The following SLIT3 variants were observed in gnomAD, a reference collection of about 807,000 sequenced individuals.
The protein encoded by SLIT3 is slit homolog 3 protein.
SLIT3 carries 68 observed loss-of-function variants against 184.0 expected under a neutral mutation model. That is an observed-to-expected ratio of 0.37 (90% CI 0.30 to 0.45). The LOEUF (loss-of-function observed/expected upper bound fraction) is 0.45, where lower values mean the gene tolerates loss of function less well. Among genes scored for constraint, SLIT3 ranks in the 20% least tolerant of loss-of-function variants. SLIT3 has a pLI of 1.00. For synonymous variants in SLIT3, 831 were observed against 828.6 expected, an observed-to-expected ratio of 1.00 and a Z score of -0.05; for missense variants, 1,707 against 2,026.0, an observed-to-expected ratio of 0.84 and a Z score of 3.02.
intron 4 of SLIT3, among the ~76,000 whole-genome samples, chr5:169,137,040 C>A (rs1581446402): frequency 6.6e-6 from 1 of 152,138 alleles, no homozygotes; most frequent in East Asian, 1.9e-4. Context: ...TGTCTCTTAC[C>A]CAGAAAGCTT....
At chr5:169,087,526 C>T (rs1018454502) in intron 4 of SLIT3, among the ~76,000 whole-genome samples, 3 of 152,162 alleles carry the variant, frequency 2.0e-5, no homozygotes, top group African/African-American at 7.2e-5. Context: ...TTTCAGTGTA[C>T]AATTAGGAAC....
Position 169,226,128 on chromosome 5 carries a change from C to T in SLIT3, c.341+18577G>A, listed in dbSNP as rs78708829. ...AGTCTCTGCCAGCCCCTGGGTGTAA[C>T]GATACAGATGTGGAATCCCCATCCT... On this transcript the variant is annotated intron_variant, in intron 3 of 35. Coordinates refer to ENST00000519560, the MANE Select transcript of SLIT3 (RefSeq NM_003062.4). 4.5e-4 allele frequency among the ~76,000 whole-genome samples: 68 copies of T among 152,218 alleles called. 1 individual carries two copies. In the East Asian group the frequency reaches 0.01, roughly 23 times the overall value.
At chr5:169,039,171 A>T (rs936532971) in intron 4 of SLIT3, among the ~76,000 whole-genome samples, 10 of 152,158 alleles carry the variant, frequency 6.6e-5, no homozygotes, top group Non-Finnish European at 1.2e-4. Flanking sequence ...ACACTGGGAA[A>T]GGCAGCACAC....
intron 4 of SLIT3, among the ~76,000 whole-genome samples, chr5:169,039,329 T>C (rs1757368412): frequency 6.6e-6 from 1 of 150,952 alleles, no homozygotes; most frequent in Non-Finnish European, 1.5e-5. Flanking sequence ...TTTTTTTTTT[T>C]TTTTTGAGAT....
chr5:168,751,790 T>A (rs1754724823), intron 18 of SLIT3, among the ~76,000 whole-genome samples: 1 of 149,768 alleles, frequency 6.7e-6, no homozygotes. Flanking sequence ...TGGAGTGGAG[T>A]GCAGTGGCAC....
intron 26 of SLIT3, among the ~76,000 whole-genome samples, chr5:168,704,219 T>C (rs1582549221): frequency 7.2e-6 from 1 of 138,728 alleles, no homozygotes; most frequent in African/African-American, 3.5e-5. Flanking sequence ...TTCTGAGACA[T>C]TGAACATATG....
chr5:168,828,658 C>CAAAAA lies in SLIT3; in HGVS notation c.558-5332_558-5328dup, dbSNP rs56974958. On this transcript the variant is annotated intron_variant, in intron 6 of 35. Transcript: ENST00000519560. ...TGGGTGACAGAGTGAGATCCTGACT[C>CAAAAA]AAAAAAAAAAAAGAAAAAAGAAAAA... Among the ~76,000 whole-genome samples, 105 of 97,112 alleles carry CAAAAA rather than the reference C, an allele frequency of 1.1e-3. 3 individuals carry two copies. The highest frequency in any genetic ancestry group is 2.9e-3 in the African/African-American group (72 of 25,074). 63.7% of individuals were successfully genotyped at this position (97,112 alleles called of 152,430 possible). A position where few individuals can be genotyped will look rare whatever the true frequency, so the allele number is the denominator to read the frequency against.
intron 4 of SLIT3, among the ~76,000 whole-genome samples, chr5:169,124,197 G>A (rs1005809016): frequency 3.3e-5 from 5 of 152,128 alleles, no homozygotes; most frequent in Non-Finnish European, 7.3e-5. Context: ...AGTTCTTTAG[G>A]AATAGACTGA....
At chr5:169,116,287 C>T (rs1760660285) in intron 4 of SLIT3, among the ~76,000 whole-genome samples, 2 of 152,080 alleles carry the variant, frequency 1.3e-5, no homozygotes, top group African/African-American at 4.8e-5. Context: ...TGTCTGAAGG[C>T]CCAAGAGCTC....
chr5:168,764,085 C>T (rs553034060), intron 14 of SLIT3, among the ~76,000 whole-genome samples: 1 of 152,268 alleles, frequency 6.6e-6, no homozygotes, highest in East Asian at 1.9e-4. Context: ...CAAATAACTG[C>T]CCTTATCTTC....
chr5:168,928,022 G>A (rs1024542632), intron 4 of SLIT3, among the ~76,000 whole-genome samples: 3 of 152,156 alleles, frequency 2.0e-5, no homozygotes, highest in Admixed American at 2.0e-4. Context: ...TCCCGTTAGC[G>A]TGGATGTAGC....
intron 23 of SLIT3, 125 bp downstream of exon 23, chr5:168,722,131 G>A: frequency 1.3e-6 from 1 of 784,350 alleles, no homozygotes; most frequent in Non-Finnish European, 2.2e-6. Context: ...AAGGGTGCTG[G>A]GTAGGAAGGT....
intron 5 of SLIT3, among the ~76,000 whole-genome samples, chr5:168,861,569 T>C (rs1479647257): frequency 6.6e-6 from 1 of 152,128 alleles, no homozygotes; most frequent in Non-Finnish European, 1.5e-5. Context: ...GGAAATCTAA[T>C]TGCATTAAGG....
At chr5:168,844,224 C>G (rs1236144748) in intron 6 of SLIT3, among the ~76,000 whole-genome samples, 1 of 152,182 alleles carries the variant, frequency 6.6e-6, no homozygotes, top group Non-Finnish European at 1.5e-5. Flanking sequence ...CTCAAACACA[C>G]TGTCCCTGAT....
intron 4 of SLIT3, among the ~76,000 whole-genome samples, chr5:169,185,462 A>G (rs916715296): frequency 2.0e-5 from 3 of 152,202 alleles, no homozygotes; most frequent in African/African-American, 4.8e-5. Flanking sequence ...GCCCCACACC[A>G]GCCTGATGGA....
intron 4 of SLIT3, among the ~76,000 whole-genome samples, chr5:169,036,913 A>G (rs1487742407): frequency 6.6e-6 from 1 of 152,170 alleles, no homozygotes; most frequent in African/African-American, 2.4e-5. Context: ...AATGGCAAAG[A>G]GCTGTGTTCA....
chr5:169,244,420 A>G (rs999594125), intron 3 of SLIT3, among the ~76,000 whole-genome samples: 1 of 152,206 alleles, frequency 6.6e-6, no homozygotes, highest in Non-Finnish European at 1.5e-5. Context: ...GGTAAAAACC[A>G]GCCCCTTATA....
At chr5:168,726,123 A>G (rs1311220582) in intron 20 of SLIT3, among the ~76,000 whole-genome samples, 1 of 151,980 alleles carries the variant, frequency 6.6e-6, no homozygotes, top group East Asian at 2.0e-4. Flanking sequence ...AAGATGAACC[A>G]GATTCCATTT....
chr5:168,748,040 G>A (rs1042644885), intron 20 of SLIT3, among the ~76,000 whole-genome samples: 10 of 152,094 alleles, frequency 6.6e-5, no homozygotes, highest in Non-Finnish European at 1.5e-4. Flanking sequence ...TATACTCAGG[G>A]TATCTTTAGG....
Sources: allele counts gnomAD v4.1 joint callset (sites outside exome capture counted in the v4.1 genomes callset), GRCh38; gene constraint gnomAD v4.1.1; transcripts MANE v1.5; gene names NCBI Gene and HGNC (gene_info 2026-07-23, HGNC 2026-07-21).